RTTN: variants seen among roughly 807,000 people sequenced by gnomAD.
RTTN encodes the protein rotatin.
In RTTN, 182 loss-of-function variants were observed where a neutral mutation model predicts 269.2. That is an observed-to-expected ratio of 0.68 (90% CI 0.60 to 0.76). RTTN has a LOEUF of 0.76. RTTN is among the 30% of genes least tolerant of loss of function. The pLI, the probability that RTTN is intolerant of heterozygous loss-of-function variation, is 0.00. For missense variants in RTTN, 2,545 were observed against 2,608.6 expected (o/e 0.98, Z 0.53); for synonymous variants, 1,006 against 963.5 (o/e 1.04, Z -0.82).
At chr18:70,196,362 C>A in intron 7 of RTTN, 139 bp downstream of exon 7, 1 of 606,748 alleles carries the variant, frequency 1.6e-6, no homozygotes, top group Non-Finnish European at 2.7e-6. Context: ...TAAAGATAAT[C>A]ATTTGAATAC....
chr18:70,098,896 G>T (rs1244145500), intron 28 of RTTN, among the ~76,000 whole-genome samples: 3 of 152,086 alleles, frequency 2.0e-5, no homozygotes, highest in African/African-American at 4.8e-5. Context: ...TGCAGTGTTC[G>T]GTTATCTGTC....
At chr18:70,158,667 C>T (rs762644851) in intron 14 of RTTN, among the ~76,000 whole-genome samples, 68 of 152,230 alleles carry the variant, frequency 4.5e-4, no homozygotes, top group Middle Eastern at 6.8e-3. Context: ...GGATAAAGAA[C>T]CAAGACCCAA....
intron 10 of RTTN, among the ~76,000 whole-genome samples, chr18:70,180,591 G>GAAAAAAAA (rs34828958): frequency 1.1e-5 from 1 of 95,076 alleles, no homozygotes; most frequent in Non-Finnish European, 2.1e-5. Context: ...CTGGGGAAGA[G>GAAAAAAAA]AAAAAAAAAA....
chr18:70,088,296 G>A, intron 30 of RTTN, 149 bp from the exon 31 acceptor site: 1 of 617,690 alleles, frequency 1.6e-6, no homozygotes, highest in Non-Finnish European at 2.6e-6. Flanking sequence ...AGAAGACAGT[G>A]TCCTCCATTC....
intron 28 of RTTN, among the ~76,000 whole-genome samples, chr18:70,105,202 C>A (rs1475094800): frequency 1.3e-5 from 2 of 152,206 alleles, no homozygotes; most frequent in Non-Finnish European, 2.9e-5. Flanking sequence ...CAATGGCGGA[C>A]ACCCCTCCCC....
chr18:70,139,212 C>G (rs1201421342), intron 21 of RTTN, among the ~76,000 whole-genome samples: 1 of 152,156 alleles, frequency 6.6e-6, no homozygotes, highest in African/African-American at 2.4e-5. Context: ...ATGAAATAAT[C>G]AGACAAAATG....
chr18:70,117,494 T>C (rs2145522003), intron 26 of RTTN, among the ~76,000 whole-genome samples: 1 of 152,170 alleles, frequency 6.6e-6, no homozygotes, highest in South Asian at 2.1e-4. Context: ...GTATTATTTA[T>C]AACACTTGTG....
chr18:70,040,499 C>T (rs1021762871), intron 40 of RTTN, among the ~76,000 whole-genome samples: 2 of 152,048 alleles, frequency 1.3e-5, no homozygotes, highest in African/African-American at 2.4e-5. Context: ...AAAGAGAGAG[C>T]GAGATCTCAA....
chr18:70,142,221 G>C (rs2060274323), intron 19 of RTTN, 67 bp downstream of exon 19: 1 of 1,044,744 alleles, frequency 9.6e-7, no homozygotes, highest in South Asian at 1.3e-5. Context: ...ACTCCTGCCA[G>C]TACCATATGG....
At position 70,009,751 on chromosome 18, in the gene RTTN, G is replaced by A. The variant is rs140352292; in HGVS notation, c.6422-3267C>T. On this transcript the variant is annotated intron_variant, in intron 46 of 48. Coordinates refer to ENST00000640769, the MANE Select transcript of RTTN (RefSeq NM_173630.4). ...AACAATATTAACCTTAAATGTAAAC[G>A]GGCTAAATGCCACAATTAAAAGACA... 2.6e-4 allele frequency among the ~76,000 whole-genome samples: 40 copies of A among 152,234 alleles called. No individual in the cohort carries two copies. The East Asian group carries it at 5.8e-3, about 22-fold the overall frequency.
chr18:70,024,963 G>GCTGAA, intron 43 of RTTN, 115 bp from the exon 44 acceptor site: 1 of 1,193,512 alleles, frequency 8.4e-7, no homozygotes, highest in Non-Finnish European at 1.2e-6. Flanking sequence ...CCCTGTGGAT[G>GCTGAA]GCTTCAGCAT....
rs199546509 is a variant in RTTN at position 70,020,688 on chromosome 18, G to A, written c.6080C>T (p.Thr2027Met). 295 of 1,613,906 alleles carry A rather than the reference G, an allele frequency of 1.8e-4. No individual in the cohort carries two copies. Among genetic ancestry groups the A allele is most frequent in the Non-Finnish European group, 2.4e-4 (280 of 1,179,938 alleles). ...LASQMPLENT[T>M]VQQMVFMLLS... ...AAGCATAAAAACCATCTGCTGAACC[G>A]TGGTGTTCTCCAGTGGCATCTGGGA... Residue 2027 changes from threonine to methionine, a missense_variant, in exon 45 of 49, where the codon ACG becomes ATG. Physicochemically the swap from Thr to Met is moderately conservative, Grantham distance 81 (BLOSUM62 -1). Coordinates refer to ENST00000640769, the MANE Select transcript of RTTN (RefSeq NM_173630.4).
At chr18:70,018,431 G>T (rs1490114850) in intron 45 of RTTN, among the ~76,000 whole-genome samples, 1 of 152,116 alleles carries the variant, frequency 6.6e-6, no homozygotes, top group Non-Finnish European at 1.5e-5. Flanking sequence ...ACAGTTAGGT[G>T]GACATTTTAG....
rs1260057237 is a variant in RTTN at position 70,100,610 on chromosome 18, A to T, written c.3904-7806T>A. ...GATTACCCTGGCCAGAACTTCCAACACTGTTGAATAGGAGTGGTGAGAGAG... is the reference window on the plus strand; with the variant it reads ...GATTACCCTGGCCAGAACTTCCAACTCTGTTGAATAGGAGTGGTGAGAGAG... On this transcript the variant is annotated intron_variant, in intron 28 of 48. Transcript: ENST00000640769. Among the ~76,000 whole-genome samples, 3 of 151,850 alleles carry T rather than the reference A, an allele frequency of 2.0e-5. No individual in the cohort carries two copies. In the East Asian group the frequency reaches 5.8e-4, roughly 29 times the overall value.
intron 19 of RTTN, among the ~76,000 whole-genome samples, chr18:70,140,807 C>T (rs910853546): frequency 3.3e-5 from 5 of 152,080 alleles, no homozygotes; most frequent in Admixed American, 1.3e-4. Flanking sequence ...GACATGTGCA[C>T]ACGCACACAC....
intron 12 of RTTN, 107 bp downstream of exon 12, chr18:70,168,748 T>A (rs1327070042): frequency 1.0e-5 from 8 of 800,790 alleles, no homozygotes; most frequent in Non-Finnish European, 1.6e-5. Flanking sequence ...GAATAATGTA[T>A]CCCACCTGTG....
At chr18:70,036,344 C>T (rs1389356165) in intron 40 of RTTN, among the ~76,000 whole-genome samples, 5 of 152,206 alleles carry the variant, frequency 3.3e-5, no homozygotes, top group African/African-American at 9.7e-5. Context: ...CACATATACA[C>T]CATGGAATAC....
chr18:70,048,323 T>C, intron 39 of RTTN, 135 bp from the exon 40 acceptor site: 2 of 829,202 alleles, frequency 2.4e-6, no homozygotes, highest in Middle Eastern at 3.2e-4. Context: ...TTGCAACTGT[T>C]AAAGGAGCTG....
chr18:70,041,661 C>G (rs1357210404), intron 40 of RTTN, among the ~76,000 whole-genome samples: 1 of 152,206 alleles, frequency 6.6e-6, no homozygotes, highest in African/African-American at 2.4e-5. Flanking sequence ...TTCCTCCCAG[C>G]CCTTGCAAAA....
Sources: gnomAD v4.1 joint callset for allele counts (sites outside exome capture counted in the v4.1 genomes callset) on GRCh38, gnomAD v4.1.1 for gene constraint, MANE v1.5 for transcripts, NCBI Gene and HGNC (gene_info 2026-07-23, HGNC 2026-07-21) for gene names.